PLCL1: variants seen among roughly 807,000 people sequenced by gnomAD.
The protein encoded by PLCL1 is inactive phospholipase C-like protein 1.
In PLCL1, 41 loss-of-function variants were observed where a neutral mutation model predicts 84.4. The ratio of observed to expected loss-of-function variants is 0.49; its 90% CI spans 0.38 to 0.63. The LOEUF (loss-of-function observed/expected upper bound fraction) is 0.63. Ranked by LOEUF, PLCL1 falls within the 30% of genes least tolerant of loss-of-function variation. PLCL1 has a pLI of 0.00. For synonymous variants in PLCL1, 490 were observed against 488.3 expected (o/e 1.00, Z -0.05); for missense variants, 1,206 against 1,367.8 (o/e 0.88, Z 1.87).
rs565124125 is a variant in PLCL1, at chr2:198,025,898, A to G, written c.241-57860A>G. Among the ~76,000 whole-genome samples the G allele has an allele frequency of 1.1e-3, 162 of 152,320 alleles. 1 individual carries two copies. Among genetic ancestry groups the G allele is most frequent in the African/African-American group, 3.8e-3 (159 of 41,574 alleles). On this transcript the variant is annotated intron_variant, in intron 1 of 5. Transcript: ENST00000428675. The stretch of plus-strand genomic sequence containing the variant: ...TTTTTAAAATAGTGATTCATAAACT[A>G]TTTAGGTGACTTGCTGTGGAGCCAT...
intron 1 of PLCL1, among the ~76,000 whole-genome samples, chr2:197,981,736 T>G (rs1690111743): frequency 6.6e-6 from 1 of 152,182 alleles, no homozygotes; most frequent in Admixed American, 6.5e-5. Flanking sequence ...CATAGCAATC[T>G]GTAAAATAAA....
intron 1 of PLCL1, among the ~76,000 whole-genome samples, chr2:198,010,384 G>A (rs1033196589): frequency 6.6e-6 from 1 of 151,950 alleles, no homozygotes; most frequent in Non-Finnish European, 1.5e-5. Context: ...AAAGCATGTT[G>A]AATTTTATCA....
chr2:197,898,883 A>C lies in PLCL1; in HGVS notation c.240+93544A>C, dbSNP rs934721885. Among the ~76,000 whole-genome samples, 15 of 151,860 alleles carry C rather than the reference A, an allele frequency of 9.9e-5. 1 individual carries two copies. Among genetic ancestry groups the C allele is most frequent in the Non-Finnish European group, 1.6e-4 (11 of 68,002 alleles). ...TTCGAAAAGTTGTTGTATACACTGC[A>C]TACTGCACTGTAGAGCATTCAGCAC... On this transcript the variant is annotated intron_variant, in intron 1 of 5. Coordinates refer to ENST00000428675, the MANE Select transcript of PLCL1 (RefSeq NM_006226.4).
intron 1 of PLCL1, among the ~76,000 whole-genome samples, chr2:198,068,848 C>A (rs1347543725): frequency 1.3e-5 from 2 of 151,936 alleles, no homozygotes; most frequent in Non-Finnish European, 2.9e-5. Flanking sequence ...ATGGAGAAAC[C>A]CCATCTCTAA....
chr2:197,838,543 T>C lies in PLCL1; in HGVS notation c.240+33204T>C, dbSNP rs573985471. On this transcript the variant is annotated intron_variant, in intron 1 of 5. Transcript: ENST00000428675. ...ATCACAAAGAACATAACATGCGGTA[T>C]GCTTTCAGTTTCTTTTAGAAAAAAA... Among the ~76,000 whole-genome samples the C allele has an allele frequency of 2.6e-5, 4 of 152,356 alleles. No individual in the cohort carries two copies. The East Asian group carries it at 7.7e-4, about 29-fold the overall frequency.
At position 197,866,030 on chromosome 2, in the gene PLCL1, A is replaced by T. The variant is rs1191540710; in HGVS notation, c.240+60691A>T. ...ATCTCCAAAAAAAAAAAAAAAAAAA[A>T]AAAAAAATATATATATATATATACA... On this transcript the variant is annotated intron_variant, in intron 1 of 5. Coordinates refer to ENST00000428675, the MANE Select transcript of PLCL1 (RefSeq NM_006226.4). Among the ~76,000 whole-genome samples, 25 of 71,920 alleles carry T rather than the reference A, an allele frequency of 3.5e-4. 3 individuals are homozygous for T. The highest frequency in any genetic ancestry group is 2.0e-3 in the African/African-American group (22 of 11,020). The allele number at this position is 71,920 out of a possible 152,430, so 47.2% of individuals were successfully genotyped here. A position where few individuals can be genotyped will look rare whatever the true frequency, so the allele number is the denominator to read the frequency against.
chr2:197,979,843 C>T (rs774779925), intron 1 of PLCL1, among the ~76,000 whole-genome samples: 1 of 152,152 alleles, frequency 6.6e-6, no homozygotes. Flanking sequence ...ATTACCTCAT[C>T]TGTGGTGCCT....
chr2:197,923,961 G>A (rs1476150185), intron 1 of PLCL1, among the ~76,000 whole-genome samples: 2 of 151,832 alleles, frequency 1.3e-5, no homozygotes, highest in Non-Finnish European at 2.9e-5. Flanking sequence ...CTGGAGACCG[G>A]CCCGGCCAAC....
At chr2:198,134,437 A>G (rs571183870) in intron 5 of PLCL1, among the ~76,000 whole-genome samples, 3 of 152,214 alleles carry the variant, frequency 2.0e-5, no homozygotes, top group Admixed American at 6.6e-5. Flanking sequence ...CATTCATTAA[A>G]ACCTGACTCA....
intron 2 of PLCL1, among the ~76,000 whole-genome samples, chr2:198,086,599 C>A (rs1185753963): frequency 6.6e-6 from 1 of 152,026 alleles, no homozygotes; most frequent in African/African-American, 2.4e-5. Context: ...CCAGTCTGGG[C>A]AACAACAGAA....
chr2:197,882,624 C>T (rs529498204), intron 1 of PLCL1, among the ~76,000 whole-genome samples: 1 of 152,106 alleles, frequency 6.6e-6, no homozygotes, highest in African/African-American at 2.4e-5. Flanking sequence ...GGATGTATTA[C>T]TCCCAAATGT....
At chr2:197,812,578 C>G (rs1690609321) in intron 1 of PLCL1, among the ~76,000 whole-genome samples, 1 of 152,250 alleles carries the variant, frequency 6.6e-6, no homozygotes, top group South Asian at 2.1e-4. Context: ...TATTTGTTGG[C>G]TGCATGCATG....
intron 1 of PLCL1, among the ~76,000 whole-genome samples, chr2:198,053,203 G>A (rs142196162): frequency 1.3e-5 from 2 of 152,310 alleles, no homozygotes; most frequent in African/African-American, 4.8e-5. Flanking sequence ...TTTATCTTAT[G>A]AACTAATCAT....
chr2:198,061,539 A>G (rs1169399705), intron 1 of PLCL1, among the ~76,000 whole-genome samples: 1 of 152,146 alleles, frequency 6.6e-6, no homozygotes, highest in Admixed American at 6.5e-5. Flanking sequence ...ATGATCTGGG[A>G]TAATGGGAAG....
intron 1 of PLCL1, among the ~76,000 whole-genome samples, chr2:198,050,706 A>G (rs1360177314): frequency 6.6e-6 from 1 of 152,212 alleles, no homozygotes; most frequent in African/African-American, 2.4e-5. Flanking sequence ...AGTTTGACAG[A>G]TAGGAAATTA....
chr2:198,080,703 A>G (rs1692690401), intron 1 of PLCL1, among the ~76,000 whole-genome samples: 1 of 152,250 alleles, frequency 6.6e-6, no homozygotes, highest in African/African-American at 2.4e-5. Context: ...TCAGCAGACA[A>G]GATAATTATT....
chr2:197,983,423 G>A (rs983118551), intron 1 of PLCL1, among the ~76,000 whole-genome samples: 3 of 151,544 alleles, frequency 2.0e-5, no homozygotes, highest in African/African-American at 4.8e-5. Flanking sequence ...TGTAGAGACG[G>A]AGTCTCCCTG....
chr2:198,020,811 A>G (rs1429043057), intron 1 of PLCL1, among the ~76,000 whole-genome samples: 2 of 152,136 alleles, frequency 1.3e-5, no homozygotes, highest in Non-Finnish European at 2.9e-5. Context: ...AGACTTTAAC[A>G]TCCACCTGCC....
Position 198,084,212 on chromosome 2 carries a change from T to C in PLCL1, c.695T>C (p.Met232Thr), listed in dbSNP as rs1692795144. Residue 232 changes from methionine to threonine, a missense_variant, in exon 2 of 6, where the codon ATG becomes ACG. Met to Thr is a moderately conservative substitution (Grantham distance 81, BLOSUM62 -1). Transcript: ENST00000428675. ...VSRSKQPLDFMEGNQNTPRFM... is the reference protein window; with the variant it reads ...VSRSKQPLDFTEGNQNTPRFM... ...CGAAGTAAGCAGCCTCTTGATTTTA[T>C]GGAGGGCAACCAGAACACACCACGG... 1 of 1,614,000 alleles carries C rather than the reference T, an allele frequency of 6.2e-7. No homozygotes were observed. The highest frequency in any genetic ancestry group is 1.3e-5 in the African/African-American group (1 of 74,908).
Sources: gnomAD v4.1 joint callset for allele counts (sites outside exome capture counted in the v4.1 genomes callset) on GRCh38, gnomAD v4.1.1 for gene constraint, MANE v1.5 for transcripts, NCBI Gene and HGNC (gene_info 2026-07-23, HGNC 2026-07-21) for gene names.